The following FKBP10 variants were observed in gnomAD, a reference collection of about 807,000 sequenced individuals.
FKBP10 encodes FKBP prolyl isomerase 10.
Under a neutral mutation model 53.7 loss-of-function variants are expected in FKBP10, and 34 were observed. The ratio of observed to expected loss-of-function variants is 0.63; its 90% CI spans 0.48 to 0.84. The LOEUF is 0.84. Ranked by LOEUF, FKBP10 falls within the 40% of genes least tolerant of loss-of-function variation. FKBP10 has a pLI of 0.00. For synonymous variants in FKBP10, 324 were observed against 335.7 expected (o/e 0.97, Z 0.38); for missense variants, 748 against 797.8 (o/e 0.94, Z 0.75).
chr17:41,821,542 C>T, intron 8 of FKBP10, 112 bp from the exon 9 acceptor site: 1 of 1,369,544 alleles, frequency 7.3e-7, no homozygotes, highest in South Asian at 1.3e-5. Flanking sequence ...ATGCCCCACT[C>T]TCCAGCCCAG....
Position 41,817,194 on chromosome 17 carries a change from A to G in FKBP10, c.382A>G (p.Ile128Val), listed in dbSNP as rs1555616219. The G allele has an allele frequency of 6.2e-7, 1 of 1,613,260 alleles. No individual in the cohort carries two copies. Among genetic ancestry groups the G allele is most frequent in the Admixed American group, 1.7e-5 (1 of 60,024 alleles). Residue 128 changes from isoleucine (I) to valine (V), a missense_variant, in exon 2 of 10, where the codon ATC (isoleucine) becomes GTC (valine). Transcript: ENST00000321562. Reference sequence around the variant, plus strand: ...GCCTCCCCACCTGGGCTATGGGAGCATCGGCCTGGGTGAGAAGGGCTGGGG... The same window carrying G: ...GCCTCCCCACCTGGGCTATGGGAGCGTCGGCCTGGGTGAGAAGGGCTGGGG... ...IVPPHLGYGS[I>V]GLAGLIPPDA...
Position 41,817,055 on chromosome 17 carries a change from C to T in FKBP10, c.246-3C>T, listed in dbSNP as rs782567281. The T allele has an allele frequency of 6.2e-7, 1 of 1,614,072 alleles. No homozygotes were observed. The highest frequency in any genetic ancestry group is 8.5e-7 in the Non-Finnish European group (1 of 1,180,036). ...TGTATCCCATCTGTCCCTCCCCCCC[C>T]AGCTATGATCGCAACACCTTGGTGG... On this transcript the variant is annotated splice_region_variant and splice_polypyrimidine_tract_variant and intron_variant, in intron 1 of 9. Coordinates refer to ENST00000321562, the MANE Select transcript of FKBP10 (RefSeq NM_021939.4).
chr17:41,813,293 G>T lies in FKBP10; in HGVS notation c.245+14G>T, dbSNP rs372410441. ...GTTTGATTCAAGGTAACCCCGGTTG[G>T]GCGCCCCCGGATTCACCACTCCGTC... On this transcript the variant is annotated intron_variant, in intron 1 of 9. Coordinates refer to ENST00000321562, the MANE Select transcript of FKBP10 (RefSeq NM_021939.4). 1 of 1,613,124 alleles carries T rather than the reference G, an allele frequency of 6.2e-7. No homozygotes were observed. Among genetic ancestry groups the T allele is most frequent in the African/African-American group, 1.3e-5 (1 of 74,858 alleles).
chr17:41,822,324 C>A lies in FKBP10; in HGVS notation c.1665C>A (p.Asp555Glu). ...KTIGDMFQNQDRNQDGKITVD... is the reference protein window; with the variant it reads ...KTIGDMFQNQERNQDGKITVD... ...TAGGAGACATGTTCCAGAACCAGGA[C>A]CGCAACCAGGACGGCAAGATCACAG... The change falls in exon 10 of 10, where the codon GAC becomes GAA. Residue 555 changes from aspartate (D) to glutamate (E), a missense_variant. Asp to Glu is a conservative substitution (Grantham distance 45). Transcript: ENST00000321562. The A allele has an allele frequency of 6.2e-7, 1 of 1,613,792 alleles. No individual in the cohort carries two copies. Among genetic ancestry groups the A allele is most frequent in the South Asian group, 1.1e-5 (1 of 90,982 alleles).
Position 41,819,324 on chromosome 17 carries a change from G to T in FKBP10, c.842G>T (p.Arg281Leu). The change falls in exon 5 of 10, where the codon CGC becomes CTC. Residue 281 changes from arginine to leucine, a missense_variant. Arg to Leu is a moderately radical substitution (Grantham distance 102, BLOSUM62 -2). Transcript: ENST00000321562. ...CTGGAGCTCCCCCCCGGCTGTGTCC[G>T]CAGAGCCGGGGCCGGGGACTTCATG... ...ETLELPPGCV[R>L]RAGAGDFMRY... 1.2e-6 allele frequency: 2 copies of T among 1,614,066 alleles called. No homozygotes were observed. Among genetic ancestry groups the T allele is most frequent in the Non-Finnish European group, 1.7e-6 (2 of 1,180,012 alleles).
intron 1 of FKBP10, among the ~76,000 whole-genome samples, chr17:41,815,093 T>G (rs1019252609): frequency 6.6e-6 from 1 of 151,984 alleles, no homozygotes; most frequent in Non-Finnish European, 1.5e-5. Context: ...AATTTTTTTG[T>G]ATTTTTAGTA....
Position 41,820,520 on chromosome 17 carries a change from T to C in FKBP10, c.1256+59T>C, listed in dbSNP as rs545168369. On this transcript the variant is annotated intron_variant, in intron 7 of 9. Transcript: ENST00000321562. ...GGGTGGGCACAGGCATGGGGAGTCC[T>C]CCTCAGTGCACCCCCGACGCCTGCT... The C allele has an allele frequency of 7.7e-6, 12 of 1,564,870 alleles. No homozygotes were observed. In the African/African-American group the frequency reaches 1.5e-4, roughly 19 times the overall value.
In FKBP10 at chr17:41,819,250, C is replaced by T. The variant is rs2144059339; in HGVS notation, c.768C>T (p.Val256=). Reference sequence around the variant, plus strand: ...CACAGGCCTCGCTGGTCTTTCACGTCCTCCTGATTGACGTGCACAACCCGA... The same window carrying T: ...CACAGGCCTCGCTGGTCTTTCACGTTCTCCTGATTGACGTGCACAACCCGA... ...IPPQASLVFH[V]LLIDVHNPKD... Residue 256 remains valine, a synonymous_variant, in exon 5 of 10, where the codon GTC becomes GTT. Transcript: ENST00000321562. 6.2e-7 allele frequency: 1 copy of T among 1,614,206 alleles called. No homozygotes were observed. The highest frequency in any genetic ancestry group is 1.6e-4 in the Middle Eastern group (1 of 6,062).
intron 6 of FKBP10, chr17:41,820,032 CT>C: frequency 6.8e-7 from 1 of 1,468,778 alleles, no homozygotes; most frequent in Non-Finnish European, 9.1e-7. Flanking sequence ...GGGTAAGTTA[CT>C]GGGAGTTTGC....
intron 2 of FKBP10, 138 bp downstream of exon 2, chr17:41,817,341 G>A (rs1407647737): frequency 1.7e-6 from 2 of 1,197,392 alleles, no homozygotes; most frequent in African/African-American, 3.0e-5. Context: ...ATGAAGAGTG[G>A]CAGCTCTGGC....
At chr17:41,815,677 C>A (rs1395196310) in intron 1 of FKBP10, among the ~76,000 whole-genome samples, 1 of 141,848 alleles carries the variant, frequency 7.0e-6, no homozygotes, top group Non-Finnish European at 1.5e-5. Flanking sequence ...GGGTGGTCTC[C>A]ATCTCCTGAC....
At chr17:41,819,442 C>A (rs782486047) in intron 5 of FKBP10, 43 bp downstream of exon 5, 2 of 1,613,654 alleles carry the variant, frequency 1.2e-6, no homozygotes, top group Non-Finnish European at 1.7e-6. Context: ...CTGGGTGAAA[C>A]GTGGACGAAG....
rs1210680569 is a variant in FKBP10, at chr17:41,819,753, G to A, written c.1063+78G>A. 2 of 1,551,548 alleles carry A rather than the reference G, an allele frequency of 1.3e-6. 1 individual carries two copies. The highest frequency in any genetic ancestry group is 1.7e-6 in the Non-Finnish European group (2 of 1,148,162). On this transcript the variant is annotated intron_variant, in intron 6 of 9. Transcript: ENST00000321562. ...TGTCTAGGCCACCCCCTCCCACAGT[G>A]GGATTCCAGGCACCGCTCGGCCCCT...
chr17:41,814,051 T>C (rs1327740382), intron 1 of FKBP10, among the ~76,000 whole-genome samples: 1 of 152,208 alleles, frequency 6.6e-6, no homozygotes, highest in African/African-American at 2.4e-5. Flanking sequence ...GCCTTTGGTC[T>C]GCCCCAGCAA....
chr17:41,821,713 G>T lies in FKBP10; in HGVS notation c.1459G>T (p.Asp487Tyr). The T allele has an allele frequency of 6.2e-7, 1 of 1,614,140 alleles. No homozygotes were observed. The highest frequency in any genetic ancestry group is 1.6e-4 in the Middle Eastern group (1 of 6,062). The change falls in exon 9 of 10, where the codon GAT becomes TAT. Residue 487 changes from aspartate to tyrosine, a missense_variant. Transcript: ENST00000321562. ...TGAGGTGGAGCTGGTGTCCCGGGAG[G>T]ATGGGCTGCCCACAGGCTACCTGTT... Reference protein sequence around the residue: ...LFEVELVSREDGLPTGYLFVW... With the variant: ...LFEVELVSREYGLPTGYLFVW...
At chr17:41,816,003 T>C (rs1278412484) in intron 1 of FKBP10, among the ~76,000 whole-genome samples, 22 of 150,732 alleles carry the variant, frequency 1.5e-4, no homozygotes, top group Admixed American at 1.1e-3. Context: ...GATATGGTGG[T>C]GCATGCCTGT....
chr17:41,821,020 CAGGGCATGT>C lies in FKBP10; in HGVS notation c.1331_1339del (p.Gln444_Cys447delinsArg). On this transcript the variant is annotated inframe_deletion, in exon 8 of 10. Coordinates refer to ENST00000321562, the MANE Select transcript of FKBP10 (RefSeq NM_021939.4). ...GATCGAAGGCCTGGACACGGGCCTG[CAGGGCATGT>C]GTGTGGGAGAGAGGCGGCAGCTCAT... The C allele has an allele frequency of 1.2e-6, 2 of 1,602,702 alleles. No homozygotes were observed. The highest frequency in any genetic ancestry group is 2.2e-5 in the South Asian group (2 of 89,068).
At position 41,819,227 on chromosome 17, in the gene FKBP10, C is replaced by G. The variant is rs781926747; in HGVS notation, c.745C>G (p.Gln249Glu). ...EKGYGTVIPP[Q>E]ASLVFHVLLI... ...TTCCCCAGGGACAGTGATCCCCCCA[C>G]AGGCCTCGCTGGTCTTTCACGTCCT... Residue 249 changes from glutamine to glutamate, a missense_variant, in exon 5 of 10, where the codon CAG (glutamine) becomes GAG (glutamate). Coordinates refer to ENST00000321562, the MANE Select transcript of FKBP10 (RefSeq NM_021939.4). The G allele has an allele frequency of 1.9e-6, 3 of 1,614,188 alleles. No homozygotes were observed. Among genetic ancestry groups the G allele is most frequent in the Non-Finnish European group, 2.5e-6 (3 of 1,180,036 alleles).
At chr17:41,817,296 G>A (rs2047829185) in intron 2 of FKBP10, 93 bp downstream of exon 2, 1 of 1,532,298 alleles carries the variant, frequency 6.5e-7, no homozygotes, top group Non-Finnish European at 8.9e-7. Context: ...CGGAGATGAG[G>A]AGTGACTTGC....
Sources: gnomAD v4.1 joint callset for allele counts (sites outside exome capture counted in the v4.1 genomes callset) on GRCh38, gnomAD v4.1.1 for gene constraint, MANE v1.5 for transcripts, NCBI Gene and HGNC (gene_info 2026-07-23, HGNC 2026-07-21) for gene names.